Variants in DNAAF3 observed in about 807,000 individuals in gnomAD.
The protein encoded by DNAAF3 is UPF0470 protein C19orf51.
A neutral mutation model predicts 50.9 loss-of-function variants in DNAAF3; 40 were observed. The observed-to-expected ratio is 0.79, with a 90% CI of 0.61 to 1.02. DNAAF3 has a LOEUF of 1.02. Ranked by LOEUF, DNAAF3 falls within the 50% of genes least tolerant of loss-of-function variation. The pLI is 0.00. For missense variants in DNAAF3, 763 were observed against 744.7 expected, an observed-to-expected ratio of 1.02 and a Z score of -0.29; for synonymous variants, 327 against 322.8, an observed-to-expected ratio of 1.01 and a Z score of -0.14.
intron 4 of DNAAF3, 50 bp downstream of exon 4, chr19:55,165,320 G>C: frequency 6.6e-7 from 1 of 1,514,692 alleles, no homozygotes; most frequent in East Asian, 2.2e-5. Context: ...AATCCCTCTA[G>C]GGAGGGGGAG....
In DNAAF3 at chr19:55,159,395, C is replaced by G; in HGVS notation, c.1293G>C (p.Arg431Ser). The change falls in exon 12 of 12, where the codon AGG becomes AGC. Residue 431 changes from arginine to serine, a missense_variant. By Grantham distance (110) the Arg-to-Ser change is moderately radical. Coordinates refer to ENST00000524407, the MANE Select transcript of DNAAF3 (RefSeq NM_001256715.2). ...CAAATCCAGCTGCCTGAGCTAGCTC[C>G]CTGACCCGGGTGTTGAATCCCTGCA... ...EQLQGFNTRVRELAQAAGFAP... is the reference protein window; with the variant it reads ...EQLQGFNTRVSELAQAAGFAP... The G allele has an allele frequency of 6.2e-7, 1 of 1,614,156 alleles. No individual in the cohort carries two copies. Among genetic ancestry groups the G allele is most frequent in the Non-Finnish European group, 8.5e-7 (1 of 1,180,036 alleles).
chr19:55,165,440 C>T lies in DNAAF3; in HGVS notation c.252G>A (p.Leu84=). 6.2e-7 allele frequency: 1 copy of T among 1,614,072 alleles called. No individual in the cohort carries two copies. Among genetic ancestry groups the T allele is most frequent in the East Asian group, 2.2e-5 (1 of 44,868 alleles). ...RFNFFVLENN[L]EAVARHMLIF... Reference sequence around the variant, plus strand: ...TCAGCATGTGTCGGGCCACAGCTTCCAGATTATTCTCCAGCACAAAGAACT... The same window carrying T: ...TCAGCATGTGTCGGGCCACAGCTTCTAGATTATTCTCCAGCACAAAGAACT... Residue 84 remains leucine (L), a synonymous_variant, in exon 4 of 12, where the codon CTG becomes CTA. Transcript: ENST00000524407.
Position 55,165,886 on chromosome 19 carries a change from G to T in DNAAF3, c.200C>A (p.Ala67Glu), listed in dbSNP as rs1309757471. The T allele has an allele frequency of 2.5e-6, 4 of 1,614,024 alleles. No individual in the cohort carries two copies. The highest frequency in any genetic ancestry group is 3.4e-6 in the Non-Finnish European group (4 of 1,180,044). The change falls in exon 3 of 12, where the codon GCG (alanine) becomes GAG (glutamate). Residue 67 changes from alanine to glutamate, a missense_variant. Coordinates refer to ENST00000524407, the MANE Select transcript of DNAAF3 (RefSeq NM_001256715.2). ...GAACCTCCTGCGAGGCCAGAACTTC[G>T]CTCGGGACAGGGTCCGCAGCAGGTG... ...GRHLLRTLSR[A>E]KFWPRRRFNF...
Position 55,161,345 on chromosome 19 carries a change from C to A in DNAAF3, c.737G>T (p.Ser246Ile). 1.2e-6 allele frequency: 2 copies of A among 1,611,514 alleles called. No individual in the cohort carries two copies. The highest frequency in any genetic ancestry group is 1.7e-6 in the Non-Finnish European group (2 of 1,179,324). ...TGVAFELRDSSAYHVPNRTLA... is the reference protein window; with the variant it reads ...TGVAFELRDSIAYHVPNRTLA... ...GGTCCGGTTGGGCACATGATAGGCG[C>A]TGGAGTCCCTGAGTTCAAAGGCGAC... The change falls in exon 7 of 12, where the codon AGC becomes ATC. Residue 246 changes from serine (S) to isoleucine (I), a missense_variant. By Grantham distance (142) the Ser-to-Ile change is moderately radical (BLOSUM62 -2). Coordinates refer to ENST00000524407, the MANE Select transcript of DNAAF3 (RefSeq NM_001256715.2). This position sits in a 1 kb window ranked among gnomAD's most constrained non-coding sequence, Gnocchi z 6.4.
chr19:55,161,022 C>T lies in DNAAF3; in HGVS notation c.912+43G>A. On this transcript the variant is annotated intron_variant, in intron 8 of 11. Transcript: ENST00000524407. The surrounding 1 kb of genome is among the most constrained non-coding windows in gnomAD (Gnocchi z 6.4). ...GGCGGGGCCTTGCGCACCCACCGACCCCCAGCCCCACCTCTACCCCCAGTC... is the reference window on the plus strand; with the variant it reads ...GGCGGGGCCTTGCGCACCCACCGACTCCCAGCCCCACCTCTACCCCCAGTC... 1 of 1,505,932 alleles carries T rather than the reference C, an allele frequency of 6.6e-7. No individual in the cohort carries two copies. The highest frequency in any genetic ancestry group is 8.9e-7 in the Non-Finnish European group (1 of 1,127,724). 93.3% of individuals were successfully genotyped at this position (1,505,932 alleles called of 1,614,324 possible).
chr19:55,161,204 A>T lies in DNAAF3; in HGVS notation c.790-17T>A. On this transcript the variant is annotated splice_polypyrimidine_tract_variant and intron_variant, in intron 7 of 11. Transcript: ENST00000524407. This position sits in a 1 kb window ranked among gnomAD's most constrained non-coding sequence, Gnocchi z 6.4. Reference sequence around the variant, plus strand: ...CTCCCCACGCTGGAAAAGGAGGGAGAGAGGAGGCAGGTGAGGTCGATGTTG... The same window carrying T: ...CTCCCCACGCTGGAAAAGGAGGGAGTGAGGAGGCAGGTGAGGTCGATGTTG... 6.3e-7 allele frequency: 1 copy of T among 1,583,258 alleles called. No individual in the cohort carries two copies. The highest frequency in any genetic ancestry group is 2.3e-5 in the East Asian group (1 of 43,212).
chr19:55,161,876 G>C lies in DNAAF3; in HGVS notation c.481-51C>G. 1 of 1,389,362 alleles carries C rather than the reference G, an allele frequency of 7.2e-7. No homozygotes were observed. Among genetic ancestry groups the C allele is most frequent in the Non-Finnish European group, 9.3e-7 (1 of 1,074,170 alleles). 86.1% of individuals were successfully genotyped at this position (1,389,362 alleles called of 1,614,324 possible). On this transcript the variant is annotated intron_variant, in intron 5 of 11. Coordinates refer to ENST00000524407, the MANE Select transcript of DNAAF3 (RefSeq NM_001256715.2). This position sits in a 1 kb window ranked among gnomAD's most constrained non-coding sequence, Gnocchi z 6.4. ...CAGAGGAAGGCAGAGAGGGATGCAG[G>C]GAGAGCGGATTCTAATTGACCCTCT...
chr19:55,162,540 C>T, intron 4 of DNAAF3: 1 of 835,272 alleles, frequency 1.2e-6, no homozygotes, highest in Non-Finnish European at 1.5e-6. Flanking sequence ...GGGCCGAGAT[C>T]ATGCCATTGC....
In DNAAF3 at chr19:55,161,288, C is replaced by A. The variant is rs376485677; in HGVS notation, c.789+5G>T. The A allele has an allele frequency of 1.2e-6, 2 of 1,608,500 alleles. No homozygotes were observed. Among genetic ancestry groups the A allele is most frequent in the Non-Finnish European group, 1.7e-6 (2 of 1,176,862 alleles). ...AGTGGGCCAGGACAGGCAGTGGACA[C>A]GCACGTAGCTCAGGAGGCGACCGGA... On this transcript the variant is annotated splice_donor_5th_base_variant and intron_variant, in intron 7 of 11. Transcript: ENST00000524407. The surrounding 1 kb of genome is among the most constrained non-coding windows in gnomAD (Gnocchi z 6.4).
In DNAAF3 at chr19:55,165,967, G is replaced by C. The variant is rs1411405445; in HGVS notation, c.119C>G (p.Thr40Arg). ...ATCTAGCTCGGGGTTGCTGTGCACT[G>C]TATCGGCCTGGGAGTCTGGGTCCAC... ...PPVDPDSQAD[T>R]VHSNPELDVL... Residue 40 changes from threonine to arginine, a missense_variant, in exon 3 of 12, where the codon ACA (threonine) becomes AGA (arginine). Physicochemically the swap from Thr to Arg is moderately conservative, Grantham distance 71 (BLOSUM62 -1). Coordinates refer to ENST00000524407, the MANE Select transcript of DNAAF3 (RefSeq NM_001256715.2). 6.2e-7 allele frequency: 1 copy of C among 1,614,240 alleles called. No homozygotes were observed. The highest frequency in any genetic ancestry group is 8.5e-7 in the Non-Finnish European group (1 of 1,180,038).
chr19:55,161,115 C>T lies in DNAAF3; in HGVS notation c.862G>A (p.Glu288Lys), dbSNP rs551121979. The change falls in exon 8 of 12, where the codon GAA becomes AAA. Residue 288 changes from glutamate (E) to lysine (K), a missense_variant. Transcript: ENST00000524407. This position sits in a 1 kb window ranked among gnomAD's most constrained non-coding sequence, Gnocchi z 6.4. ...ATGPFVAFGIEADDESLLRTS... is the reference protein window; with the variant it reads ...ATGPFVAFGIKADDESLLRTS... ...CGCAGGAGGCTCTCGTCGTCCGCTT[C>T]GATGCCGAAGGCCACGAAGGGCCCC... The T allele has an allele frequency of 4.0e-5, 62 of 1,546,340 alleles. No individual in the cohort carries two copies. In the African/African-American group the frequency reaches 6.8e-4, roughly 17 times the overall value.
rs777975819 is a variant in DNAAF3 at position 55,166,287 on chromosome 19, G to A, written c.85+42C>T. 6.2e-7 allele frequency: 1 copy of A among 1,603,878 alleles called. No homozygotes were observed. The highest frequency in any genetic ancestry group is 8.5e-7 in the Non-Finnish European group (1 of 1,174,372). On this transcript the variant is annotated intron_variant, in intron 2 of 11. Transcript: ENST00000524407. This position sits in a 1 kb window ranked among gnomAD's most constrained non-coding sequence, Gnocchi z 4.0. The stretch of plus-strand genomic sequence containing the variant: ...TCTAAAAGGCCGTCTGCTCAGGCTG[G>A]GAAGGCAGACGGTGTATCAGACCTT...
chr19:55,161,925 G>A lies in DNAAF3; in HGVS notation c.481-100C>T. The A allele has an allele frequency of 7.5e-7, 1 of 1,341,500 alleles. No homozygotes were observed. The highest frequency in any genetic ancestry group is 9.6e-7 in the Non-Finnish European group (1 of 1,045,060). 83.1% of individuals were successfully genotyped at this position (1,341,500 alleles called of 1,614,324 possible). On this transcript the variant is annotated intron_variant, in intron 5 of 11. Transcript: ENST00000524407. The surrounding 1 kb of genome is among the most constrained non-coding windows in gnomAD (Gnocchi z 6.4). Reference sequence around the variant, plus strand: ...CTCTTCCATCCCAGAACAGGGGAACGATTCCCCCGTTTCTCGGATGGAAAA... The same window carrying A: ...CTCTTCCATCCCAGAACAGGGGAACAATTCCCCCGTTTCTCGGATGGAAAA...
chr19:55,159,567 C>G lies in DNAAF3; in HGVS notation c.1204G>C (p.Ala402Pro), dbSNP rs750058869. The change falls in exon 11 of 12, where the codon GCA (alanine) becomes CCA (proline). Residue 402 changes from alanine (A) to proline (P), a missense_variant. By Grantham distance (27) the Ala-to-Pro change is conservative. Coordinates refer to ENST00000524407, the MANE Select transcript of DNAAF3 (RefSeq NM_001256715.2). ...LLIPELGACV[A>P]PGGNLIVELA... ...TCCACAATCAAGTTCCCTCCGGGTG[C>G]CACACAGGCCCCAAGCTCAGGGATG... 1.2e-6 allele frequency: 2 copies of G among 1,605,686 alleles called. No homozygotes were observed. Among genetic ancestry groups the G allele is most frequent in the Non-Finnish European group, 1.7e-6 (2 of 1,175,784 alleles).
Position 55,158,926 on chromosome 19 carries a change from G to A in DNAAF3, c.*136C>T. 4.4e-6 allele frequency: 4 copies of A among 903,240 alleles called. No homozygotes were observed. The South Asian group carries it at 5.9e-5, about 13-fold the overall frequency. The allele number at this position is 903,240 out of a possible 1,614,324, so 56.0% of individuals were successfully genotyped here. On this transcript the variant is annotated 3_prime_UTR_variant, in exon 12 of 12. Coordinates refer to ENST00000524407, the MANE Select transcript of DNAAF3 (RefSeq NM_001256715.2). The stretch of plus-strand genomic sequence containing the variant: ...GAAAGTCTACCAACACTCCCGGGGT[G>A]GGGGTGGCGGGTACTGAGTGGGAAT...
upstream of DNAAF3, chr19:55,166,716 G>T: frequency 6.4e-7 from 1 of 1,552,824 alleles, no homozygotes; most frequent in Admixed American, 1.8e-5. The surrounding 1 kb of genome is among the most constrained non-coding windows in gnomAD (Gnocchi z 4.0). Flanking sequence ...ACAAACTTTT[G>T]GCCAATGGGA....
chr19:55,162,602 A>C, intron 4 of DNAAF3: 1 of 965,462 alleles, frequency 1.0e-6, no homozygotes, highest in Non-Finnish European at 1.2e-6. Flanking sequence ...AAATAAATAA[A>C]TAACCACCTA....
chr19:55,162,997 C>CT (rs576178532), intron 4 of DNAAF3, among the ~76,000 whole-genome samples: 2,715 of 91,816 alleles, frequency 0.03, 287 homozygotes, highest in Middle Eastern at 0.036. Context: ...TTTTCTTTTT[C>CT]TTTTTTTTTT....
rs1304007096 is a variant in DNAAF3 at position 55,160,838 on chromosome 19, C to T, written c.913-63G>A. 3 of 1,566,624 alleles carry T rather than the reference C, an allele frequency of 1.9e-6. No homozygotes were observed. In the East Asian group the frequency reaches 6.9e-5, roughly 36 times the overall value. ...GGATGGCGGGGCGGGGCTTAGAACG[C>T]TGGGAGTCCTCGGTCCAGGACTAGA... On this transcript the variant is annotated intron_variant, in intron 8 of 11. Transcript: ENST00000524407. The surrounding 1 kb of genome is among the most constrained non-coding windows in gnomAD (Gnocchi z 4.7).
Sources: allele counts gnomAD v4.1 joint callset (sites outside exome capture counted in the v4.1 genomes callset), GRCh38; gene constraint gnomAD v4.1.1; non-coding constraint Gnocchi (gnomAD v3.1); transcripts MANE v1.5; gene names NCBI Gene and HGNC (gene_info 2026-07-23, HGNC 2026-07-21).